Variants in CES5A observed in about 807,000 individuals in gnomAD.
CES5A encodes the protein carboxylesterase 5A, also known as carboxylesterase 5.
A neutral mutation model predicts 62.9 loss-of-function variants in CES5A; 67 were observed. The ratio of observed to expected loss-of-function variants is 1.07; its 90% CI spans 0.88 to 1.31. CES5A has a LOEUF of 1.31. Among genes scored for constraint, CES5A ranks in the 50% most tolerant of loss-of-function variants. The pLI, the probability that CES5A is intolerant of heterozygous loss-of-function variation, is 0.00. For synonymous variants in CES5A, 296 were observed against 280.8 expected (o/e 1.05, Z -0.54); for missense variants, 748 against 708.5 (o/e 1.06, Z -0.63).
upstream of CES5A, among the ~76,000 whole-genome samples, chr16:55,927,864 A>T (rs2034274058): frequency 6.6e-6 from 1 of 152,192 alleles, no homozygotes; most frequent in Non-Finnish European, 1.5e-5. Context: ...AAAGATATGG[A>T]ATTAACTTAA....
chr16:55,948,882 G>C (rs2034525378), intron 2 of CES5A, among the ~76,000 whole-genome samples: 1 of 152,176 alleles, frequency 6.6e-6, no homozygotes, highest in Non-Finnish European at 1.5e-5. Context: ...CAAGATTTTT[G>C]TCTTGACTGA....
At chr16:55,926,398 A>G (rs2034258033), upstream of CES5A, among the ~76,000 whole-genome samples, 1 of 152,246 alleles carries the variant, frequency 6.6e-6, no homozygotes, top group Non-Finnish European at 1.5e-5. Context: ...CAGAAGCTGC[A>G]TCAAGTTCAA....
chr16:55,901,120 G>A (rs565750774), intron 1 of CES5A, among the ~76,000 whole-genome samples: 1 of 152,138 alleles, frequency 6.6e-6, no homozygotes, highest in Non-Finnish European at 1.5e-5. Flanking sequence ...AATCATGTGG[G>A]TGGGTCTTTC....
At chr16:55,849,186 C>T (rs1378259050) in intron 11 of CES5A, among the ~76,000 whole-genome samples, 2 of 152,088 alleles carry the variant, frequency 1.3e-5, no homozygotes, top group African/African-American at 2.4e-5. Flanking sequence ...ATTTCACAAG[C>T]ATTTACAAAG....
chr16:55,902,162 C>T (rs12325083), intron 1 of CES5A, among the ~76,000 whole-genome samples: 5,059 of 152,270 alleles, frequency 0.033, 169 homozygotes, highest in East Asian at 0.11. Context: ...CAAACTTCAT[C>T]CTCTGGCAGG....
chr16:55,861,079 G>A (rs1250936222), intron 7 of CES5A, among the ~76,000 whole-genome samples: 1 of 152,178 alleles, frequency 6.6e-6, no homozygotes, highest in Non-Finnish European at 1.5e-5. Context: ...CTTCCTAATA[G>A]AACTTCCAGC....
intron 1 of CES5A, among the ~76,000 whole-genome samples, chr16:55,908,488 G>A (rs535017729): frequency 2.2e-4 from 33 of 152,282 alleles, no homozygotes; most frequent in African/African-American, 6.0e-4. Flanking sequence ...AGCCTCCCAA[G>A]TAGCTGGGAT....
chr16:55,878,624 A>G (rs1320598889), upstream of CES5A, among the ~76,000 whole-genome samples: 3 of 16,622 alleles, frequency 1.8e-4, no homozygotes, highest in African/African-American at 8.4e-4. Context: ...ACTGCACCCC[A>G]CCACTGCACC....
intron 1 of CES5A, among the ~76,000 whole-genome samples, chr16:55,923,373 G>C (rs1021276974): frequency 1.3e-5 from 2 of 151,608 alleles, no homozygotes; most frequent in Non-Finnish European, 3.0e-5. Flanking sequence ...AAGATTATAA[G>C]AAACTAGTAT....
intron 1 of CES5A, among the ~76,000 whole-genome samples, chr16:55,884,722 G>A (rs2033797169): frequency 6.6e-6 from 1 of 151,986 alleles, no homozygotes; most frequent in African/African-American, 2.4e-5. Flanking sequence ...CTCCCAAGTA[G>A]CTTTGACTAC....
chr16:55,892,234 A>G (rs1715069588), intron 1 of CES5A, among the ~76,000 whole-genome samples: 1 of 152,104 alleles, frequency 6.6e-6, no homozygotes. Flanking sequence ...AAATTTACCT[A>G]TAGCCTGGAA....
intron 1 of CES5A, among the ~76,000 whole-genome samples, chr16:55,950,968 G>C (rs1428063433): frequency 6.6e-6 from 1 of 151,844 alleles, no homozygotes; most frequent in African/African-American, 2.4e-5. Context: ...CAGGCGTGGT[G>C]GTGGGCGCCT....
chr16:55,876,815 T>C (rs763341071), upstream of CES5A, among the ~76,000 whole-genome samples: 1 of 152,166 alleles, frequency 6.6e-6, no homozygotes, highest in African/African-American at 2.4e-5. Flanking sequence ...CATCACCGTG[T>C]GGCTTCGAAG....
upstream of CES5A, among the ~76,000 whole-genome samples, chr16:55,928,972 G>C (rs1295215886): frequency 6.6e-6 from 1 of 152,148 alleles, no homozygotes; most frequent in African/African-American, 2.4e-5. Context: ...GATGTCGCTT[G>C]CTTCCCAGCC....
intron 2 of CES5A, among the ~76,000 whole-genome samples, chr16:55,934,682 G>C (rs944220896): frequency 6.6e-6 from 1 of 151,938 alleles, no homozygotes; most frequent in Non-Finnish European, 1.5e-5. Context: ...GTGTGTGCGC[G>C]TGTGCATGTG....
At chr16:55,855,587 T>G (rs1403555693) in intron 9 of CES5A, among the ~76,000 whole-genome samples, 2 of 152,206 alleles carry the variant, frequency 1.3e-5, no homozygotes, top group Non-Finnish European at 2.9e-5. Flanking sequence ...TGCTGCGTGT[T>G]ATGACACAGG....
At chr16:55,883,524 C>T (rs1396792923) in intron 1 of CES5A, among the ~76,000 whole-genome samples, 2 of 152,198 alleles carry the variant, frequency 1.3e-5, no homozygotes, top group African/African-American at 2.4e-5. Context: ...CCTCCCATCT[C>T]GGCCTCACAG....
intron 2 of CES5A, among the ~76,000 whole-genome samples, chr16:55,930,648 C>T (rs1261703326): frequency 1.3e-5 from 2 of 152,332 alleles, no homozygotes; most frequent in East Asian, 3.9e-4. Flanking sequence ...GCTTTTCTGA[C>T]TCCCTTTTGA....
intron 2 of CES5A, among the ~76,000 whole-genome samples, chr16:55,932,275 C>T (rs2034321882): frequency 6.6e-6 from 1 of 152,136 alleles, no homozygotes; most frequent in Non-Finnish European, 1.5e-5. Context: ...CCAGATGCAA[C>T]CCCTTGATTT....
Sources: allele counts gnomAD v4.1 joint callset (sites outside exome capture counted in the v4.1 genomes callset), GRCh38; gene constraint gnomAD v4.1.1; transcripts MANE v1.5; gene names NCBI Gene and HGNC (gene_info 2026-07-23, HGNC 2026-07-21).